The following LMBRD1 variants were observed in gnomAD, a reference collection of about 807,000 sequenced individuals.
LMBRD1 encodes the protein lysosomal cobalamin transport escort protein LMBD1.
In LMBRD1, 64 loss-of-function variants were observed where a neutral mutation model predicts 74.8. That is an observed-to-expected ratio of 0.86 (90% CI 0.70 to 1.05). LMBRD1 has a LOEUF of 1.05. Ranked by LOEUF, LMBRD1 falls within the 50% of genes least tolerant of loss-of-function variation. LMBRD1 has a pLI of 0.00. For synonymous variants in LMBRD1, 204 were observed against 216.3 expected, an observed-to-expected ratio of 0.94 and a Z score of 0.50; for missense variants, 652 against 645.9, an observed-to-expected ratio of 1.01 and a Z score of -0.10.
At chr6:69,726,749 G>A (rs1227678253) in intron 7 of LMBRD1, among the ~76,000 whole-genome samples, 1 of 151,006 alleles carries the variant, frequency 6.6e-6, no homozygotes, top group African/African-American at 2.4e-5. Context: ...TGAGGCAGTG[G>A]GAGGCAGGTA....
At chr6:69,752,157 G>A in intron 4 of LMBRD1, 102 bp downstream of exon 4, 1 of 1,116,140 alleles carries the variant, frequency 9.0e-7, no homozygotes, top group Non-Finnish European at 1.3e-6. Flanking sequence ...ATTTCTATTA[G>A]ACAACACTGC....
At chr6:69,685,348 T>C (rs1346045601) in intron 14 of LMBRD1, among the ~76,000 whole-genome samples, 1 of 152,208 alleles carries the variant, frequency 6.6e-6, no homozygotes, top group Non-Finnish European at 1.5e-5. Flanking sequence ...TAAATAGTAG[T>C]AGTCCTTAAA....
At chr6:69,751,440 C>T (rs1023822839) in intron 4 of LMBRD1, among the ~76,000 whole-genome samples, 7 of 152,108 alleles carry the variant, frequency 4.6e-5, no homozygotes, top group Non-Finnish European at 8.8e-5. Context: ...AATTCTCCTG[C>T]CTCAGCCTCC....
At chr6:69,698,448 A>T (rs1243138497) in intron 13 of LMBRD1, among the ~76,000 whole-genome samples, 1 of 151,982 alleles carries the variant, frequency 6.6e-6, no homozygotes, top group Non-Finnish European at 1.5e-5. Context: ...AGGTATTTTT[A>T]AAAACGGAAA....
Position 69,738,902 on chromosome 6 carries a change from A to C in LMBRD1, c.563-887T>G, listed in dbSNP as rs553162548. On this transcript the variant is annotated intron_variant, in intron 6 of 15. Transcript: ENST00000649934. ...ATTAATCTTTTATGAGTACTAATAA[A>C]ATTATAATGATCTATCATCTTAAAA... Among the ~76,000 whole-genome samples the C allele has an allele frequency of 3.9e-5, 6 of 152,278 alleles. No individual in the cohort carries two copies. The South Asian group carries it at 1.2e-3, about 32-fold the overall frequency.
At chr6:69,738,366 C>A (rs193162116) in intron 6 of LMBRD1, among the ~76,000 whole-genome samples, 1 of 152,050 alleles carries the variant, frequency 6.6e-6, no homozygotes, top group South Asian at 2.1e-4. Flanking sequence ...CAATGGCAGA[C>A]CCTGAGAAAT....
intron 2 of LMBRD1, among the ~76,000 whole-genome samples, chr6:69,787,421 G>T (rs1452798900): frequency 6.6e-6 from 1 of 152,118 alleles, no homozygotes; most frequent in Non-Finnish European, 1.5e-5. Context: ...TAAGTTAAAA[G>T]CAAACAGAAC....
chr6:69,790,351 A>G lies in LMBRD1; in HGVS notation c.191T>C (p.Leu64Pro). The G allele has an allele frequency of 1.2e-6, 2 of 1,613,536 alleles. No homozygotes were observed. The highest frequency in any genetic ancestry group is 1.7e-6 in the Non-Finnish European group (2 of 1,179,498). ...AGAAACCAAAAATATATCCACTGGTAGAAGTGCTGATGTGATAAGTGCAAT... is the reference window on the plus strand; with the variant it reads ...AGAAACCAAAAATATATCCACTGGTGGAAGTGCTGATGTGATAAGTGCAAT... ...LAIALITSAL[L>P]PVDIFLVSYM... The change falls in exon 2 of 16, where the codon CTA becomes CCA. Residue 64 changes from leucine to proline, a missense_variant. Physicochemically the swap from Leu to Pro is moderately conservative, Grantham distance 98. Transcript: ENST00000649934.
intron 9 of LMBRD1, chr6:69,706,122 C>A: frequency 1.7e-6 from 1 of 586,706 alleles, no homozygotes; most frequent in East Asian, 3.6e-5. Flanking sequence ...AGTTCCAGGG[C>A]CTCCGGGGGT....
intron 7 of LMBRD1, among the ~76,000 whole-genome samples, chr6:69,730,321 A>T (rs1264933789): frequency 6.6e-6 from 1 of 152,130 alleles, no homozygotes; most frequent in Non-Finnish European, 1.5e-5. Context: ...AAGGGTCAAC[A>T]CTAAATACTA....
Position 69,713,681 on chromosome 6 carries a change from C to T in LMBRD1, c.879G>A (p.Trp293Ter), listed in dbSNP as rs772389235. ...ERHLEFIENSWWTKFCGALRP... is the reference protein window; with the variant it reads ...ERHLEFIENS ...GCAGAGCGCCACAAAATTTTGTCCA[C>T]CAGCTGTTTTCAATGAATTCTAAAT... Residue 293 changes from tryptophan (W) to a stop codon, truncating the protein, a stop_gained, in exon 9 of 16, where the codon TGG becomes TGA. Transcript: ENST00000649934. LOFTEE classifies it high-confidence loss of function. 3.1e-6 allele frequency: 5 copies of T among 1,613,488 alleles called. No homozygotes were observed. The highest frequency in any genetic ancestry group is 4.2e-6 in the Non-Finnish European group (5 of 1,179,658).
chr6:69,677,599 C>A (rs1000304677), intron 14 of LMBRD1, among the ~76,000 whole-genome samples: 1 of 152,108 alleles, frequency 6.6e-6, no homozygotes, highest in South Asian at 2.1e-4. Context: ...AAGTACTTAG[C>A]ATGTTACAGT....
rs1158183966 is a variant in LMBRD1, at chr6:69,724,026, T to C, written c.637-4945A>G. ...ATCATTAGTGGCTACTATGAACAACTAATTATATGCCAACAAATTGGAAAA... is the reference window on the plus strand; with the variant it reads ...ATCATTAGTGGCTACTATGAACAACCAATTATATGCCAACAAATTGGAAAA... On this transcript the variant is annotated intron_variant, in intron 7 of 15. Transcript: ENST00000649934. Among the ~76,000 whole-genome samples the C allele has an allele frequency of 2.6e-5, 4 of 152,012 alleles. No individual in the cohort carries two copies. In the East Asian group the frequency reaches 7.7e-4, roughly 29 times the overall value.
intron 7 of LMBRD1, among the ~76,000 whole-genome samples, chr6:69,737,670 T>G (rs1767005590): frequency 6.6e-6 from 1 of 150,986 alleles, no homozygotes; most frequent in Non-Finnish European, 1.5e-5. Flanking sequence ...AAATCTATTA[T>G]ATAGATTTAT....
Position 69,700,805 on chromosome 6 carries a change from G to A in LMBRD1, c.1148C>T (p.Ala383Val). Residue 383 changes from alanine to valine, a missense_variant, in exon 12 of 16, where the codon GCA becomes GTA. Coordinates refer to ENST00000649934, the MANE Select transcript of LMBRD1 (RefSeq NM_018368.4). ...CCATATGCCAATATTTCGAATTCCT[G>A]CCATTGAAGTAAAAATAAAGTACAT... ...IIMYFIFTSMAGIRNIGIWFF... is the reference protein window; with the variant it reads ...IIMYFIFTSMVGIRNIGIWFF... The A allele has an allele frequency of 2.0e-6, 3 of 1,513,924 alleles. No homozygotes were observed. The highest frequency in any genetic ancestry group is 1.8e-5 in the Admixed American group (1 of 55,092). The allele number at this position is 1,513,924 out of a possible 1,614,324, so 93.8% of individuals were successfully genotyped here.
At chr6:69,694,246 T>G (rs1765948484) in intron 14 of LMBRD1, among the ~76,000 whole-genome samples, 1 of 152,158 alleles carries the variant, frequency 6.6e-6, no homozygotes, top group Admixed American at 6.5e-5. Context: ...TTTGTTTTTG[T>G]TTTACAGCTA....
intron 5 of LMBRD1, 118 bp from the exon 6 acceptor site, chr6:69,741,995 C>G (rs940230760): frequency 5.6e-5 from 35 of 630,090 alleles, no homozygotes; most frequent in Middle Eastern, 4.2e-4. Flanking sequence ...GTACTATGCA[C>G]AGAGGGGAGT....
At chr6:69,709,722 A>T (rs1482886308) in intron 9 of LMBRD1, among the ~76,000 whole-genome samples, 1 of 152,194 alleles carries the variant, frequency 6.6e-6, no homozygotes, top group Non-Finnish European at 1.5e-5. Context: ...TGCAGGATAT[A>T]AGAGTAAGAT....
At chr6:69,767,138 C>A (rs988895486) in intron 3 of LMBRD1, among the ~76,000 whole-genome samples, 2 of 151,536 alleles carry the variant, frequency 1.3e-5, no homozygotes, top group African/African-American at 4.8e-5. Flanking sequence ...TAAAGATTTG[C>A]TGATTTCTTT....
Sources: allele counts gnomAD v4.1 joint callset (sites outside exome capture counted in the v4.1 genomes callset), GRCh38; gene constraint gnomAD v4.1.1; transcripts MANE v1.5; gene names NCBI Gene and HGNC (gene_info 2026-07-23, HGNC 2026-07-21).